Variants in ERICH1 observed in about 807,000 individuals in gnomAD.
The protein encoded by ERICH1 is glutamate rich 1.
A neutral mutation model predicts 39.6 loss-of-function variants in ERICH1; 56 were observed. That is an observed-to-expected ratio of 1.41 (90% confidence interval 1.14 to 1.77). ERICH1 has a LOEUF of 1.77. Ranked by LOEUF, ERICH1 falls within the 40% of genes most tolerant of loss-of-function variation. The pLI is 0.00. For missense variants in ERICH1, 826 were observed against 575.4 expected (o/e 1.44, Z -4.45); for synonymous variants, 313 against 223.6 (o/e 1.40, Z -3.57).
chr8:637,225 C>T (rs1444595537), intron 3 of ERICH1, among the ~76,000 whole-genome samples: 1 of 152,216 alleles, frequency 6.6e-6, no homozygotes, highest in Non-Finnish European at 1.5e-5. Flanking sequence ...TGTGAAACAC[C>T]CGGTGGGGTT....
chr8:627,524 C>T (rs1229716313), intron 3 of ERICH1, among the ~76,000 whole-genome samples: 1 of 152,222 alleles, frequency 6.6e-6, no homozygotes, highest in East Asian at 1.9e-4. Flanking sequence ...CCACACCAGG[C>T]AAGTTTTACA....
rs1585117396 is a variant in ERICH1, at chr8:664,344, A to G, written c.*259T>C. The stretch of plus-strand genomic sequence containing the variant: ...AGAATGTCCATTTTCAATTTTTACA[A>G]TAAGTAGAGAAACAGAATCAAGTTT... On this transcript the variant is annotated 3_prime_UTR_variant, in exon 6 of 6. Transcript: ENST00000262109. The G allele has an allele frequency of 9.0e-7, 1 of 1,115,114 alleles. No homozygotes were observed. Among genetic ancestry groups the G allele is most frequent in the Non-Finnish European group, 1.1e-6 (1 of 913,960 alleles). The allele number at this position is 1,115,114 out of a possible 1,614,324, so 69.1% of individuals were successfully genotyped here.
At chr8:631,475 G>A (rs1163006578) in intron 3 of ERICH1, among the ~76,000 whole-genome samples, 1 of 152,158 alleles carries the variant, frequency 6.6e-6, no homozygotes, top group Admixed American at 6.5e-5. Context: ...AGCGGGAAGT[G>A]GAGGGGCCTT....
At chr8:701,719 A>G (rs1324835850) in intron 2 of ERICH1, among the ~76,000 whole-genome samples, 1 of 151,424 alleles carries the variant, frequency 6.6e-6, no homozygotes, top group Non-Finnish European at 1.5e-5. Flanking sequence ...TTTCTTAAAC[A>G]AAACACAAAA....
chr8:724,476 C>G (rs916311204), intron 1 of ERICH1, among the ~76,000 whole-genome samples: 1 of 152,144 alleles, frequency 6.6e-6, no homozygotes, highest in Non-Finnish European at 1.5e-5. Flanking sequence ...ACACACCCAG[C>G]GGGATGCGAG....
At chr8:689,936 A>G (rs1371344807) in intron 3 of ERICH1, among the ~76,000 whole-genome samples, 1 of 152,014 alleles carries the variant, frequency 6.6e-6, no homozygotes, top group Non-Finnish European at 1.5e-5. Context: ...CAGATAAGTG[A>G]GTTCGCCTGC....
chr8:724,289 A>G (rs73178875), intron 1 of ERICH1, among the ~76,000 whole-genome samples: 13,273 of 152,288 alleles, frequency 0.087, 656 homozygotes, highest in Admixed American at 0.1. Flanking sequence ...CAGCCCGGAC[A>G]ACATAGTGAG....
chr8:642,142 C>T (rs1799064401), intron 3 of ERICH1, among the ~76,000 whole-genome samples: 1 of 152,142 alleles, frequency 6.6e-6, no homozygotes, highest in Non-Finnish European at 1.5e-5. Context: ...GCAGATTCTT[C>T]ACAAGCTCTG....
At chr8:703,574 C>G (rs1012532797) in intron 2 of ERICH1, among the ~76,000 whole-genome samples, 5 of 152,164 alleles carry the variant, frequency 3.3e-5, no homozygotes, top group Admixed American at 3.3e-4. Flanking sequence ...GGCACCATAA[C>G]TGAAGGCAAA....
intron 3 of ERICH1, among the ~76,000 whole-genome samples, chr8:676,574 G>C (rs953816578): frequency 2.0e-5 from 3 of 152,164 alleles, no homozygotes; most frequent in Non-Finnish European, 2.9e-5. Context: ...CCTGACAGAA[G>C]GGTATCAGAT....
At chr8:629,900 C>G (rs1455192412) in intron 3 of ERICH1, among the ~76,000 whole-genome samples, 129 of 124,468 alleles carry the variant, frequency 1.0e-3, no homozygotes, top group South Asian at 1.9e-3. Flanking sequence ...AGCACCCACA[C>G]AGACAGAGCT....
At chr8:636,482 T>C (rs1396536538) in intron 3 of ERICH1, among the ~76,000 whole-genome samples, 1 of 152,180 alleles carries the variant, frequency 6.6e-6, no homozygotes, top group Non-Finnish European at 1.5e-5. Flanking sequence ...CGACTTTAGC[T>C]CAGAATCGGG....
chr8:690,238 A>G (rs1285999388), intron 3 of ERICH1, among the ~76,000 whole-genome samples: 1 of 152,188 alleles, frequency 6.6e-6, no homozygotes, highest in African/African-American at 2.4e-5. Flanking sequence ...CTGTGAGCCC[A>G]AAAGCACCCA....
intron 3 of ERICH1, among the ~76,000 whole-genome samples, chr8:631,640 G>A (rs983203004): frequency 3.2e-4 from 48 of 152,238 alleles, no homozygotes; most frequent in Non-Finnish European, 5.9e-5. Context: ...TGTTTACATC[G>A]TGGTAAAATA....
At chr8:642,153 C>T (rs749197182) in intron 3 of ERICH1, among the ~76,000 whole-genome samples, 25 of 152,150 alleles carry the variant, frequency 1.6e-4, no homozygotes, top group Admixed American at 3.3e-4. Context: ...ACAAGCTCTG[C>T]TTGGACACTG....
At chr8:634,112 A>T (rs1315298816) in intron 3 of ERICH1, among the ~76,000 whole-genome samples, 1 of 150,940 alleles carries the variant, frequency 6.6e-6, no homozygotes, top group African/African-American at 2.4e-5. Flanking sequence ...AATATTTACA[A>T]ATCATGCATC....
chr8:648,040 G>A (rs1175463789), intron 3 of ERICH1, among the ~76,000 whole-genome samples: 1 of 67,790 alleles, frequency 1.5e-5, no homozygotes, highest in East Asian at 3.0e-4. Context: ...TGACGCAAAC[G>A]ACAGCACGTC....
chr8:684,564 G>A (rs1437673886), intron 3 of ERICH1, among the ~76,000 whole-genome samples: 1 of 152,164 alleles, frequency 6.6e-6, no homozygotes, highest in East Asian at 1.9e-4. Context: ...GTACCACAGA[G>A]AAGAGGGGGG....
intron 3 of ERICH1, among the ~76,000 whole-genome samples, chr8:682,336 A>G (rs1439627144): frequency 1.3e-5 from 2 of 152,254 alleles, no homozygotes; most frequent in African/African-American, 4.8e-5. Context: ...TTGGCTCAGC[A>G]GGTCAAGGGG....
Sources: gnomAD v4.1 joint callset for allele counts (sites outside exome capture counted in the v4.1 genomes callset) on GRCh38, gnomAD v4.1.1 for gene constraint, MANE v1.5 for transcripts, NCBI Gene and HGNC (gene_info 2026-07-23, HGNC 2026-07-21) for gene names.